SEMA3A: variants seen among roughly 807,000 people sequenced by gnomAD.
The protein encoded by SEMA3A is semaphorin 3A.
SEMA3A carries 29 observed loss-of-function variants against 97.9 expected under a neutral mutation model. That is an observed-to-expected ratio of 0.30 (90% CI 0.22 to 0.40). The LOEUF is 0.40. Among genes scored for constraint, SEMA3A ranks in the 10% least tolerant of loss-of-function variants. The pLI, the probability that SEMA3A is intolerant of heterozygous loss-of-function variation, is 1.00. For synonymous variants in SEMA3A, 321 were observed against 323.7 expected (o/e 0.99, Z 0.09); for missense variants, 763 against 951.3 (o/e 0.80, Z 2.60).
rs185537691 is a variant in SEMA3A at position 84,214,883 on chromosome 7, T to C, written c.-82-20215A>G. The stretch of plus-strand genomic sequence containing the variant: ...CCAGCTAATTTTTTTGTATTTTTCA[T>C]AGAGATGGGGTTTCACCATATTGGC... On this transcript the variant is annotated intron_variant, in intron 3 of 3. Transcript: ENST00000424555. Among the ~76,000 whole-genome samples, 781 of 151,182 alleles carry C rather than the reference T, an allele frequency of 5.2e-3. 5 individuals are homozygous for C. Among genetic ancestry groups the C allele is most frequent in the African/African-American group, 0.018 (744 of 41,198 alleles).
At chr7:84,075,358 A>C (rs896775274) in intron 4 of SEMA3A, among the ~76,000 whole-genome samples, 1 of 149,578 alleles carries the variant, frequency 6.7e-6, no homozygotes. Flanking sequence ...TGTTTTTAGT[A>C]GAGACGGCCA....
chr7:84,137,689 T>TAA (rs58880773), intron 1 of SEMA3A, among the ~76,000 whole-genome samples: 20 of 85,210 alleles, frequency 2.3e-4, no homozygotes, highest in Middle Eastern at 9.3e-3. Context: ...GGCCAAACTT[T>TAA]AAAAAAAAAA....
chr7:84,327,109 G>T (rs2115933554), intron 2 of SEMA3A, among the ~76,000 whole-genome samples: 1 of 152,046 alleles, frequency 6.6e-6, no homozygotes, highest in African/African-American at 2.4e-5. Context: ...ATTTATAGAA[G>T]AAAATAATAG....
intron 6 of SEMA3A, among the ~76,000 whole-genome samples, chr7:84,039,804 A>C (rs1792070094): frequency 6.6e-6 from 1 of 152,108 alleles, no homozygotes; most frequent in African/African-American, 2.4e-5. Context: ...TATTAAAATA[A>C]ATTTTAATTA....
chr7:84,092,068 T>C (rs1185564015), intron 4 of SEMA3A, among the ~76,000 whole-genome samples: 1 of 152,146 alleles, frequency 6.6e-6, no homozygotes, highest in Non-Finnish European at 1.5e-5. Flanking sequence ...GAATTAATGT[T>C]ATACATGTGC....
At chr7:84,359,453 G>A (rs1360746636) in intron 2 of SEMA3A, among the ~76,000 whole-genome samples, 10 of 152,024 alleles carry the variant, frequency 6.6e-5, no homozygotes, top group Non-Finnish European at 1.2e-4. Context: ...ATTGATTTGC[G>A]TATGTTGAAC....
chr7:84,306,329 A>G (rs1801153785), intron 3 of SEMA3A: 1 of 152,052 alleles, frequency 6.6e-6, no homozygotes, highest in South Asian at 2.1e-4. Context: ...ACCCAATAAA[A>G]TTGTGAATTC....
intron 3 of SEMA3A, among the ~76,000 whole-genome samples, chr7:84,276,205 A>T (rs1314110333): frequency 1.3e-5 from 2 of 152,132 alleles, no homozygotes; most frequent in Admixed American, 6.6e-5. Flanking sequence ...ACTAGTAGGC[A>T]CTGTATGCAC....
At chr7:84,203,242 G>A (rs1045604741) in intron 3 of SEMA3A, among the ~76,000 whole-genome samples, 2 of 151,726 alleles carry the variant, frequency 1.3e-5, no homozygotes, top group African/African-American at 4.8e-5. Context: ...TTTCTACGGT[G>A]TTGAGTGCAT....
At chr7:84,247,487 T>G (rs1258384643) in intron 3 of SEMA3A, among the ~76,000 whole-genome samples, 1 of 152,128 alleles carries the variant, frequency 6.6e-6, no homozygotes, top group Admixed American at 6.6e-5. Context: ...CATATGTAAT[T>G]GGGAAAAATG....
Position 84,110,518 on chromosome 7 carries a change from C to T in SEMA3A, c.405G>A (p.Gly135=). The T allele has an allele frequency of 6.2e-7, 1 of 1,613,888 alleles. No homozygotes were observed. The highest frequency in any genetic ancestry group is 8.5e-7 in the Non-Finnish European group (1 of 1,179,910). ...TGTAGGTGCAAATTGGATGAAAAGC[C>T]CCCGTTCCACAGGCGTACAAGTGAG... ...NQTHLYACGT[G]AFHPICTYIE... is the part of the protein sequence containing the mutation. The change falls in exon 4 of 17, where the codon GGG becomes GGA. Residue 135 remains glycine, a synonymous_variant. Coordinates refer to ENST00000265362, the MANE Select transcript of SEMA3A (RefSeq NM_006080.3).
chr7:84,216,528 T>G, intron 3 of SEMA3A, among the ~76,000 whole-genome samples: 1 of 152,190 alleles, frequency 6.6e-6, no homozygotes, highest in Non-Finnish European at 1.5e-5. Context: ...GCTTGAATTT[T>G]ACTGATATTT....
At chr7:84,219,742 C>T (rs1798832655) in intron 3 of SEMA3A, among the ~76,000 whole-genome samples, 1 of 152,186 alleles carries the variant, frequency 6.6e-6, no homozygotes, top group African/African-American at 2.4e-5. Context: ...CACTAATTAT[C>T]TTAGCTGTAT....
chr7:84,205,649 T>C (rs566215255), intron 3 of SEMA3A, among the ~76,000 whole-genome samples: 32 of 152,308 alleles, frequency 2.1e-4, no homozygotes, highest in African/African-American at 7.5e-4. Context: ...CTGAATAGAA[T>C]TACAATTCCT....
intron 1 of SEMA3A, among the ~76,000 whole-genome samples, chr7:84,423,668 A>G (rs1804663845): frequency 6.6e-6 from 1 of 152,066 alleles, no homozygotes; most frequent in African/African-American, 2.4e-5. Flanking sequence ...CCAAATGAAT[A>G]TAAGCTTTAG....
At chr7:84,482,582 A>C (rs1562961748) in intron 1 of SEMA3A, among the ~76,000 whole-genome samples, 1 of 152,186 alleles carries the variant, frequency 6.6e-6, no homozygotes, top group Non-Finnish European at 1.5e-5. Flanking sequence ...GGAATTTACA[A>C]GGTGTTATTT....
intron 1 of SEMA3A, among the ~76,000 whole-genome samples, chr7:84,441,731 T>C (rs897857634): frequency 1.3e-5 from 2 of 152,158 alleles, no homozygotes; most frequent in Admixed American, 6.5e-5. Context: ...CATGGAGATA[T>C]ATTATAGTTA....
intron 3 of SEMA3A, among the ~76,000 whole-genome samples, chr7:84,219,917 G>A (rs1798838189): frequency 6.6e-6 from 1 of 152,230 alleles, no homozygotes; most frequent in Admixed American, 6.6e-5. Context: ...ACTGATCAGG[G>A]TGGCAGTTGC....
At chr7:84,151,109 C>T (rs943541491) in intron 1 of SEMA3A, among the ~76,000 whole-genome samples, 13 of 149,634 alleles carry the variant, frequency 8.7e-5, no homozygotes, top group East Asian at 2.0e-4. Flanking sequence ...TCATCAAAGA[C>T]CAAAAGTAGA....
Sources: gnomAD v4.1 joint callset for allele counts (sites outside exome capture counted in the v4.1 genomes callset) on GRCh38, gnomAD v4.1.1 for gene constraint, MANE v1.5 for transcripts, NCBI Gene and HGNC (gene_info 2026-07-23, HGNC 2026-07-21) for gene names.